BCAR1: variants seen among roughly 807,000 people sequenced by gnomAD.
BCAR1 encodes the protein BCAR1 scaffold protein, Cas family member.
In BCAR1, 30 loss-of-function variants were observed where a neutral mutation model predicts 67.6. The observed-to-expected ratio is 0.44, with a 90% CI of 0.33 to 0.60. BCAR1 has a LOEUF of 0.60. Among genes scored for constraint, BCAR1 ranks in the 20% least tolerant of loss-of-function variants. BCAR1 has a pLI of 0.02. For missense variants in BCAR1, 1,313 were observed against 1,222.3 expected, an observed-to-expected ratio of 1.07 and a Z score of -1.11; for synonymous variants, 626 against 556.7, an observed-to-expected ratio of 1.12 and a Z score of -1.75.
At position 75,236,885 on chromosome 16, in the gene BCAR1, G is replaced by A. The variant is rs138060621; in HGVS notation, c.909C>T (p.His303=). 114 of 1,612,444 alleles carry A rather than the reference G, an allele frequency of 7.1e-5. No homozygotes were observed. The African/African-American group carries it at 1.1e-3, about 16-fold the overall frequency. Residue 303 remains histidine, a synonymous_variant, in exon 4 of 7, where the codon CAC becomes CAT. Transcript: ENST00000162330. ...VEKGLPPSNH[H]AVYDVPPSVS... ...CATTGCCCTGGCATTTGCTCACTGC[G>A]TGGTGGTTGGACGGTGGCAGGCCCT...
intron 5 of BCAR1, 116 bp from the exon 6 acceptor site, chr16:75,234,051 G>A (rs912840934): frequency 1.6e-5 from 14 of 849,412 alleles, no homozygotes; most frequent in South Asian, 4.6e-5. Context: ...GCGTGTGCGC[G>A]CACACACACG....
In BCAR1 at chr16:75,228,599, G is replaced by A. The variant is rs900952044; in HGVS notation, c.*912C>T. The A allele has an allele frequency of 3.9e-5, 6 of 152,368 alleles. No individual in the cohort carries two copies. The highest frequency in any genetic ancestry group is 1.4e-4 in the African/African-American group (6 of 41,474). The allele number at this position is 152,368 out of a possible 1,614,324, so 9.4% of individuals were successfully genotyped here. A position where few individuals can be genotyped will look rare whatever the true frequency, so the allele number is the denominator to read the frequency against. Reference sequence around the variant, plus strand: ...CTGGGATGAGATTCTTTTAAGCAGAGCTCTGGATGCAGCCCCCAGCGGTGC... The same window carrying A: ...CTGGGATGAGATTCTTTTAAGCAGAACTCTGGATGCAGCCCCCAGCGGTGC... On this transcript the variant is annotated 3_prime_UTR_variant, in exon 7 of 7. Transcript: ENST00000162330.
chr16:75,248,452 G>A (rs1307081122), intron 1 of BCAR1: 2 of 866,702 alleles, frequency 2.3e-6, no homozygotes, highest in Admixed American at 4.4e-5. Context: ...CGCCCAACTG[G>A]CCATCCGCAC....
intron 4 of BCAR1, 81 bp from the exon 5 acceptor site, chr16:75,236,067 CACACACACACGTACACACATACAG>C: frequency 6.8e-7 from 1 of 1,478,378 alleles, no homozygotes; most frequent in Non-Finnish European, 9.0e-7. Context: ...CAGCCACACA[CACACACACACGTACACACATACAG>C]ACACACACAC....
intron 1 of BCAR1, among the ~76,000 whole-genome samples, chr16:75,250,488 G>A (rs142964381): frequency 0.03 from 4,541 of 152,362 alleles, 98 homozygotes; most frequent in Middle Eastern, 0.12. Flanking sequence ...GACCAAAGCT[G>A]CGGCGGGCCC....
At position 75,248,030 on chromosome 16, in the gene BCAR1, A is replaced by C. The variant is rs1008766298; in HGVS notation, c.12+3441T>G. 5 of 1,405,352 alleles carry C rather than the reference A, an allele frequency of 3.6e-6. No individual in the cohort carries two copies. In the African/African-American group the frequency reaches 7.1e-5, roughly 20 times the overall value. The allele number at this position is 1,405,352 out of a possible 1,614,324, so 87.1% of individuals were successfully genotyped here. On this transcript the variant is annotated intron_variant, in intron 1 of 6. Transcript: ENST00000162330. ...AGCCACCAGCTCATTTAACCCTCAA[A>C]ACAACCCCATAAGACACGATTACCT... is the stretch of plus-strand genomic sequence containing the variant.
chr16:75,237,379 A>C, intron 2 of BCAR1, 35 bp from the exon 3 acceptor site: 1 of 1,430,450 alleles, frequency 7.0e-7, no homozygotes, highest in Non-Finnish European at 9.2e-7. Context: ...TGCTGCCCTC[A>C]AACCAGCCCT....
chr16:75,257,687 G>T (rs1286378393), intron 1 of BCAR1, among the ~76,000 whole-genome samples: 1 of 152,168 alleles, frequency 6.6e-6, no homozygotes, highest in African/African-American at 2.4e-5. Flanking sequence ...ACTCCTGGGG[G>T]CTCAAGCGAT....
Position 75,251,456 on chromosome 16 carries a change from A to G in BCAR1, c.12+15T>C. 1 of 1,454,402 alleles carries G rather than the reference A, an allele frequency of 6.9e-7. No individual in the cohort carries two copies. The highest frequency in any genetic ancestry group is 9.1e-7 in the Non-Finnish European group (1 of 1,103,156). The allele number at this position is 1,454,402 out of a possible 1,614,324, so 90.1% of individuals were successfully genotyped here. On this transcript the variant is annotated intron_variant, in intron 1 of 6. Coordinates refer to ENST00000162330, the MANE Select transcript of BCAR1 (RefSeq NM_014567.5). ...CCAAGCCCGTACGCGGCCCGGCCCC[A>G]CCTGGCGCCCTCACCAGGTGGTTCA...
intron 1 of BCAR1, chr16:75,250,890 C>G: frequency 1.0e-6 from 1 of 985,554 alleles, no homozygotes; most frequent in Non-Finnish European, 1.2e-6. Flanking sequence ...CGCGGCGCGC[C>G]CGCCCCCACT....
rs1164602287 is a variant in BCAR1 at position 75,237,016 on chromosome 16, C to A, written c.796-18G>T. Reference sequence around the variant, plus strand: ...TCATACACCTGGGGCAGAAACAGTGCAGGGTTAACGGCGCCAGGGCCACTT... The same window carrying A: ...TCATACACCTGGGGCAGAAACAGTGAAGGGTTAACGGCGCCAGGGCCACTT... On this transcript the variant is annotated intron_variant, in intron 3 of 6. Coordinates refer to ENST00000162330, the MANE Select transcript of BCAR1 (RefSeq NM_014567.5). The A allele has an allele frequency of 6.3e-7, 1 of 1,577,808 alleles. No individual in the cohort carries two copies. Among genetic ancestry groups the A allele is most frequent in the Non-Finnish European group, 8.6e-7 (1 of 1,159,170 alleles).
At chr16:75,250,747 T>C (rs752949553) in intron 1 of BCAR1, 1 of 985,372 alleles carries the variant, frequency 1.0e-6, no homozygotes. Context: ...CCCCCAACCA[T>C]GGACTCCAAA....
Position 75,238,012 on chromosome 16 carries a change from T to C in BCAR1, c.634-668A>G, listed in dbSNP as rs2077203088. ...GGGGAGCTGCCTGCAGCAGGTAAGATCCCCAGCGACCTGAAAGGATGAGGC... is the reference window on the plus strand; with the variant it reads ...GGGGAGCTGCCTGCAGCAGGTAAGACCCCCAGCGACCTGAAAGGATGAGGC... On this transcript the variant is annotated intron_variant, in intron 2 of 6. Transcript: ENST00000162330. 3.3e-5 allele frequency: 42 copies of C among 1,284,838 alleles called. 1 individual carries two copies. In the South Asian group the frequency reaches 5.2e-4, roughly 16 times the overall value. The allele number at this position is 1,284,838 out of a possible 1,614,324, so 79.6% of individuals were successfully genotyped here.
chr16:75,243,372 T>C, intron 1 of BCAR1: 1 of 623,586 alleles, frequency 1.6e-6, no homozygotes, highest in Admixed American at 2.2e-5. Context: ...ACCCTCAAGA[T>C]ATCCCTAAAA....
intron 2 of BCAR1, among the ~76,000 whole-genome samples, chr16:75,239,447 G>A (rs144933945): frequency 2.6e-5 from 4 of 151,268 alleles, no homozygotes; most frequent in Non-Finnish European, 5.9e-5. Flanking sequence ...GGCATCAAGC[G>A]GGGGGACAAG....
upstream of BCAR1, among the ~76,000 whole-genome samples, chr16:75,254,582 G>A (rs961590838): frequency 3.9e-5 from 6 of 152,208 alleles, no homozygotes; most frequent in African/African-American, 4.8e-5. Flanking sequence ...CAGCACACAC[G>A]CATGCGTATA....
chr16:75,253,627 C>T (rs2077721170), upstream of BCAR1, among the ~76,000 whole-genome samples: 1 of 152,080 alleles, frequency 6.6e-6, no homozygotes. Flanking sequence ...CAAAAATTTG[C>T]TCCTTTTCCA....
upstream of BCAR1, chr16:75,256,175 G>C (rs1384061213): frequency 6.6e-6 from 1 of 152,430 alleles, no homozygotes; most frequent in Admixed American, 6.5e-5. Context: ...GCCCCACGCA[G>C]CTCCCATGGC....
At chr16:75,231,257 G>C (rs532257659) in intron 6 of BCAR1, among the ~76,000 whole-genome samples, 1 of 151,904 alleles carries the variant, frequency 6.6e-6, no homozygotes, top group African/African-American at 2.4e-5. Context: ...GCTAATTTTT[G>C]TATTTTTGGT....
Sources: allele counts gnomAD v4.1 joint callset (sites outside exome capture counted in the v4.1 genomes callset), GRCh38; gene constraint gnomAD v4.1.1; transcripts MANE v1.5; gene names NCBI Gene and HGNC (gene_info 2026-07-23, HGNC 2026-07-21).